SPATA18: variants seen among roughly 807,000 people sequenced by gnomAD.
SPATA18 encodes spermatogenesis associated 18.
In SPATA18, 54 loss-of-function variants were observed where a neutral mutation model predicts 68.1. The ratio of observed to expected loss-of-function variants is 0.79; its 90% CI spans 0.64 to 0.99. The LOEUF (loss-of-function observed/expected upper bound fraction) is 0.99. Among genes scored for constraint, SPATA18 ranks in the 50% least tolerant of loss-of-function variants. The pLI, the probability that SPATA18 is intolerant of heterozygous loss-of-function variation, is 0.00. For missense variants in SPATA18, 724 were observed against 681.1 expected (o/e 1.06, Z -0.70); for synonymous variants, 242 against 244.8 (o/e 0.99, Z 0.11).
chr4:52,063,205 T>G (rs1167707681), intron 4 of SPATA18, among the ~76,000 whole-genome samples: 2 of 152,244 alleles, frequency 1.3e-5, no homozygotes, highest in African/African-American at 4.8e-5. Context: ...TGTGTGGTGC[T>G]CTGCCTTGTT....
chr4:52,051,918 C>T, intron 1 of SPATA18, 127 bp downstream of exon 1: 1 of 801,840 alleles, frequency 1.2e-6, no homozygotes, highest in Non-Finnish European at 2.1e-6. Context: ...GATTCCTAAC[C>T]AGGATCTCAG....
At chr4:52,082,538 C>A (rs760802965) in intron 10 of SPATA18, 28 bp downstream of exon 10, 2 of 1,613,846 alleles carry the variant, frequency 1.2e-6, no homozygotes, top group South Asian at 2.2e-5. Context: ...AGTGACAATT[C>A]ATCCCAAGTG....
At chr4:52,087,150 G>T (rs1372816765) in intron 11 of SPATA18, among the ~76,000 whole-genome samples, 1 of 152,080 alleles carries the variant, frequency 6.6e-6, no homozygotes, top group Non-Finnish European at 1.5e-5. Context: ...TAAGTTCTTT[G>T]TAGATTGTGG....
intron 8 of SPATA18, 54 bp from the exon 9 acceptor site, chr4:52,079,690 A>C: frequency 6.3e-7 from 1 of 1,582,942 alleles, no homozygotes; most frequent in Non-Finnish European, 8.6e-7. Context: ...TTAGGATGTC[A>C]GAGTGTTTTT....
intron 4 of SPATA18, among the ~76,000 whole-genome samples, chr4:52,065,579 A>G (rs1005030601): frequency 2.0e-5 from 3 of 152,082 alleles, no homozygotes; most frequent in African/African-American, 7.2e-5. Flanking sequence ...GTTTTAACTC[A>G]CCTGTAGTTC....
rs948695730 is a variant in SPATA18 at position 52,095,375 on chromosome 4, C to T, written c.*488C>T. On this transcript the variant is annotated 3_prime_UTR_variant, in exon 13 of 13. Coordinates refer to ENST00000295213, the MANE Select transcript of SPATA18 (RefSeq NM_145263.4). ...TTCCTTTTAAGGTTTGGAAGACAGC[C>T]CTAATCTCAGGTTGGGGAGCTCATG... 6.4e-6 allele frequency: 1 copy of T among 156,552 alleles called. No individual in the cohort carries two copies. The highest frequency in any genetic ancestry group is 2.4e-5 in the African/African-American group (1 of 41,454). The allele number at this position is 156,552 out of a possible 1,614,324, so 9.7% of individuals were successfully genotyped here. A position where few individuals can be genotyped will look rare whatever the true frequency, so the allele number is the denominator to read the frequency against.
chr4:52,051,409 T>G lies in SPATA18; in HGVS notation c.-296T>G. ...GGCAGCCAACCCGTCCACGTCAAGGTTTGTTTAATAATCGCCAGGGTATCT... is the reference window on the plus strand; with the variant it reads ...GGCAGCCAACCCGTCCACGTCAAGGGTTGTTTAATAATCGCCAGGGTATCT... On this transcript the variant is annotated 5_prime_UTR_variant, in exon 1 of 13. Coordinates refer to ENST00000295213, the MANE Select transcript of SPATA18 (RefSeq NM_145263.4). 2.8e-6 allele frequency: 1 copy of G among 363,554 alleles called. No homozygotes were observed. Among genetic ancestry groups the G allele is most frequent in the Non-Finnish European group, 5.0e-6 (1 of 201,022 alleles). 22.5% of individuals were successfully genotyped at this position (363,554 alleles called of 1,614,324 possible). A position where few individuals can be genotyped will look rare whatever the true frequency, so the allele number is the denominator to read the frequency against.
chr4:52,053,386 C>T (rs1738066388), intron 1 of SPATA18, among the ~76,000 whole-genome samples: 4 of 152,160 alleles, frequency 2.6e-5, no homozygotes. Flanking sequence ...TACCTTGTGG[C>T]CACTCCCCAG....
chr4:52,089,044 T>G (rs970120876), intron 11 of SPATA18, among the ~76,000 whole-genome samples: 1 of 152,230 alleles, frequency 6.6e-6, no homozygotes, highest in Non-Finnish European at 1.5e-5. Context: ...TATCCATTTC[T>G]TCTAGATTTT....
At chr4:52,082,942 T>G (rs1223773353) in intron 10 of SPATA18, 1 of 985,232 alleles carries the variant, frequency 1.0e-6, no homozygotes, top group Non-Finnish European at 1.2e-6. Flanking sequence ...TTTTCTCTCC[T>G]TGGTATGATG....
chr4:52,082,408 G>A lies in SPATA18; in HGVS notation c.1377G>A (p.Ser459=), dbSNP rs137981042. Reference sequence around the variant, plus strand: ...ACAGATACCGCCGCAGCTACGACTCGGATTTCACTGCTCCCTTAGTCCTCT... The same window carrying A: ...ACAGATACCGCCGCAGCTACGACTCAGATTTCACTGCTCCCTTAGTCCTCT... The part of the protein sequence containing the change: ...NDCKYRRSYD[S]DFTAPLVLYH... The change falls in exon 10 of 13, where the codon TCG becomes TCA. Residue 459 remains serine, a synonymous_variant. Coordinates refer to ENST00000295213, the MANE Select transcript of SPATA18 (RefSeq NM_145263.4). 6.3e-4 allele frequency: 1,013 copies of A among 1,613,842 alleles called. No individual in the cohort carries two copies. The highest frequency in any genetic ancestry group is 8.9e-4 in the South Asian group (81 of 91,054).
rs2109392295 is a variant in SPATA18 at position 52,051,631 on chromosome 4, G to A, written c.-74G>A. 7.2e-7 allele frequency: 1 copy of A among 1,389,910 alleles called. No individual in the cohort carries two copies. Among genetic ancestry groups the A allele is most frequent in the Non-Finnish European group, 1.0e-6 (1 of 976,326 alleles). The allele number at this position is 1,389,910 out of a possible 1,614,324, so 86.1% of individuals were successfully genotyped here. On this transcript the variant is annotated 5_prime_UTR_variant, in exon 1 of 13. Coordinates refer to ENST00000295213, the MANE Select transcript of SPATA18 (RefSeq NM_145263.4). ...CACCCTTCCCGCCATATCACCCCAC[G>A]GTCCTGCGGAGGCCACCGCCTGGTC...
At chr4:52,076,411 A>G (rs1671435953) in intron 6 of SPATA18, among the ~76,000 whole-genome samples, 1 of 152,230 alleles carries the variant, frequency 6.6e-6, no homozygotes, top group African/African-American at 2.4e-5. Flanking sequence ...AGGGTCTGGT[A>G]AAATGCATCT....
intron 1 of SPATA18, among the ~76,000 whole-genome samples, chr4:52,059,678 A>C (rs1447345919): frequency 2.0e-5 from 3 of 152,218 alleles, no homozygotes; most frequent in African/African-American, 4.8e-5. Flanking sequence ...GGTAAGACTT[A>C]TTATTCCGCT....
intron 9 of SPATA18, among the ~76,000 whole-genome samples, chr4:52,082,087 A>G (rs938831423): frequency 6.6e-6 from 1 of 152,286 alleles, no homozygotes; most frequent in African/African-American, 2.4e-5. Context: ...GGGAAGCCTG[A>G]TGGGACTTCA....
Position 52,094,935 on chromosome 4 carries a change from T to C in SPATA18, c.*48T>C. ...ACCCAGTGCGTGGAAACAGCTGCTTTCTCCAGTGCCGCCATCTGTCTTCTG... is the reference window on the plus strand; with the variant it reads ...ACCCAGTGCGTGGAAACAGCTGCTTCCTCCAGTGCCGCCATCTGTCTTCTG... On this transcript the variant is annotated 3_prime_UTR_variant, in exon 13 of 13. Transcript: ENST00000295213. 1 of 1,612,722 alleles carries C rather than the reference T, an allele frequency of 6.2e-7. No homozygotes were observed. Among genetic ancestry groups the C allele is most frequent in the Non-Finnish European group, 8.5e-7 (1 of 1,178,764 alleles).
At chr4:52,080,838 C>T (rs995261414) in intron 9 of SPATA18, among the ~76,000 whole-genome samples, 4 of 152,174 alleles carry the variant, frequency 2.6e-5, no homozygotes, top group African/African-American at 9.7e-5. Context: ...ATATTCACTC[C>T]GGGTTTTTGT....
At chr4:52,059,082 A>T (rs1738605743) in intron 1 of SPATA18, among the ~76,000 whole-genome samples, 1 of 152,212 alleles carries the variant, frequency 6.6e-6, no homozygotes, top group Admixed American at 6.5e-5. Context: ...GCACTGTAGA[A>T]TGCAGGGGTG....
intron 1 of SPATA18, among the ~76,000 whole-genome samples, chr4:52,054,734 G>A (rs1311202967): frequency 6.6e-6 from 1 of 151,936 alleles, no homozygotes; most frequent in African/African-American, 2.4e-5. Flanking sequence ...ACTGAAATCA[G>A]TCTCTTATCC....
Sources: gnomAD v4.1 joint callset for allele counts (sites outside exome capture counted in the v4.1 genomes callset) on GRCh38, gnomAD v4.1.1 for gene constraint, MANE v1.5 for transcripts, NCBI Gene and HGNC (gene_info 2026-07-23, HGNC 2026-07-21) for gene names.